Variants in COG4 observed in about 807,000 individuals in gnomAD.
The protein encoded by COG4 is component of oligomeric golgi complex 4, also known as conserved oligomeric Golgi complex subunit 4.
In COG4, 65 loss-of-function variants were observed where a neutral mutation model predicts 95.1. That is an observed-to-expected ratio of 0.68 (90% CI 0.56 to 0.84). The LOEUF (loss-of-function observed/expected upper bound fraction) is 0.84, where lower values mean the gene tolerates loss of function less well. COG4 is among the 40% of genes least tolerant of loss of function. The pLI is 0.00. For missense variants in COG4, 1,045 were observed against 989.1 expected (o/e 1.06, Z -0.76); for synonymous variants, 421 against 374.8 (o/e 1.12, Z -1.42).
At chr16:70,514,264 G>C in intron 4 of COG4, 71 bp downstream of exon 4, 1 of 1,391,414 alleles carries the variant, frequency 7.2e-7, no homozygotes, top group East Asian at 2.3e-5. Flanking sequence ...TGTTTTTATT[G>C]GTCGAGTCTG....
rs559671105 is a variant in COG4 at position 70,482,081 on chromosome 16, C to G, written c.2004+11G>C. The G allele has an allele frequency of 2.8e-5, 45 of 1,608,552 alleles. No homozygotes were observed. The South Asian group carries it at 4.6e-4, about 17-fold the overall frequency. ...TAATTCCCTAAGTGGATCCCTAGGG[C>G]CCCTGCTCACCTTGAACTCTGCCAT... On this transcript the variant is annotated intron_variant, in intron 16 of 18. Coordinates refer to ENST00000323786, the MANE Select transcript of COG4 (RefSeq NM_015386.3).
intron 6 of COG4, 180 bp downstream of exon 6, chr16:70,509,736 G>C (rs1474564008): frequency 1.5e-6 from 1 of 646,334 alleles, no homozygotes; most frequent in Non-Finnish European, 2.7e-6. Flanking sequence ...ACACTGGAGA[G>C]ACTCTAATCT....
chr16:70,507,253 A>G (rs2151756686), intron 8 of COG4, among the ~76,000 whole-genome samples: 1 of 151,578 alleles, frequency 6.6e-6, no homozygotes, highest in Non-Finnish European at 1.5e-5. Flanking sequence ...AAAAAAGCAA[A>G]AAAACCCCAA....
chr16:70,515,197 G>A (rs534383697), intron 3 of COG4, among the ~76,000 whole-genome samples: 1 of 151,800 alleles, frequency 6.6e-6, no homozygotes, highest in African/African-American at 2.4e-5. Context: ...TGTAATTTTT[G>A]TAGAGACAAG....
intron 12 of COG4, among the ~76,000 whole-genome samples, chr16:70,491,755 C>G (rs1001327870): frequency 1.1e-4 from 15 of 139,510 alleles, no homozygotes; most frequent in Non-Finnish European, 2.1e-4. Context: ...ACTTGGGAGG[C>G]GTAGGTTGCA....
At chr16:70,507,726 G>A (rs1420435666) in intron 8 of COG4, among the ~76,000 whole-genome samples, 1 of 151,658 alleles carries the variant, frequency 6.6e-6, no homozygotes, top group Admixed American at 6.6e-5. Context: ...GCTGGGAATG[G>A]TGGTGCACGC....
At chr16:70,497,434 C>CCA (rs1448913822) in intron 10 of COG4, 47 bp from the exon 11 acceptor site, 1 of 1,586,728 alleles carries the variant, frequency 6.3e-7, no homozygotes, top group Non-Finnish European at 8.6e-7. Flanking sequence ...TTGTGCATGT[C>CCA]ATGTTCTAGA....
Position 70,481,052 on chromosome 16 carries a change from C to G in COG4, c.2328G>C (p.Arg776=). Residue 776 remains arginine, a synonymous_variant, in exon 19 of 19, where the codon CGG becomes CGC. Coordinates refer to ENST00000323786, the MANE Select transcript of COG4 (RefSeq NM_015386.3). Reference sequence around the variant, plus strand: ...TGATATCTTCACTGCGGAAGTCTATCCGCAGGGCCAGCACCTGGCGCACTT... The same window carrying G: ...TGATATCTTCACTGCGGAAGTCTATGCGCAGGGCCAGCACCTGGCGCACTT... ...PAEVRQVLAL[R]IDFRSEDIKR... 2 of 1,613,320 alleles carry G rather than the reference C, an allele frequency of 1.2e-6. No individual in the cohort carries two copies. The highest frequency in any genetic ancestry group is 1.7e-6 in the Non-Finnish European group (2 of 1,180,046).
intron 18 of COG4, 97 bp downstream of exon 18, chr16:70,481,258 AGCTG>A: frequency 6.2e-7 from 1 of 1,607,816 alleles, no homozygotes; most frequent in Admixed American, 1.7e-5. Context: ...TGTCCTATAG[AGCTG>A]GCTGCTGGCA....
At chr16:70,483,496 C>G (rs946045899) in intron 14 of COG4, among the ~76,000 whole-genome samples, 10 of 151,814 alleles carry the variant, frequency 6.6e-5, no homozygotes, top group African/African-American at 2.4e-4. Context: ...TGAGACTGTT[C>G]TGATAAACTC....
At chr16:70,508,877 G>A (rs1597681739) in intron 7 of COG4, 2 of 536,084 alleles carry the variant, frequency 3.7e-6, no homozygotes, top group East Asian at 9.5e-5. Flanking sequence ...GGAAATTGGA[G>A]ACAATTACTT....
At chr16:70,521,182 C>G (rs1394354497) in intron 1 of COG4, among the ~76,000 whole-genome samples, 2 of 151,272 alleles carry the variant, frequency 1.3e-5, no homozygotes, top group African/African-American at 4.9e-5. Context: ...CAAAGAACTG[C>G]GATTAGAGGC....
At position 70,509,267 on chromosome 16, in the gene COG4, T is replaced by C; in HGVS notation, c.966A>G (p.Val322=). ...VECDRQVEKV[V]DKFIKQRDYH... ...AGTCCCTTTGCTTGATGAACTTGTC[T>C]ACCACCTTCTCCACCTGTCTGTCAC... is the stretch of plus-strand genomic sequence containing the variant. Residue 322 remains valine, a synonymous_variant, in exon 7 of 19, where the codon GTA becomes GTG. Transcript: ENST00000323786. 1.2e-6 allele frequency: 2 copies of C among 1,614,198 alleles called. No individual in the cohort carries two copies. Among genetic ancestry groups the C allele is most frequent in the Non-Finnish European group, 1.7e-6 (2 of 1,180,036 alleles).
chr16:70,482,232 G>A (rs549685858), intron 15 of COG4, 57 bp from the exon 16 acceptor site: 12 of 1,009,260 alleles, frequency 1.2e-5, no homozygotes, highest in Middle Eastern at 2.0e-4. Context: ...ACCATTCATT[G>A]CCACCCACCT....
At chr16:70,500,787 A>C (rs1030310328) in intron 9 of COG4, among the ~76,000 whole-genome samples, 171 bp downstream of exon 9, 1 of 152,192 alleles carries the variant, frequency 6.6e-6, no homozygotes. Flanking sequence ...ATCTAGTCCA[A>C]TTCTAAAATC....
intron 13 of COG4, 90 bp downstream of exon 13, chr16:70,490,240 T>C: frequency 9.3e-7 from 1 of 1,069,614 alleles, no homozygotes; most frequent in Non-Finnish European, 1.5e-6. Context: ...GTCACCAAGA[T>C]AAGTGTCTTC....
At chr16:70,498,121 A>AT (rs890160433) in intron 9 of COG4, 66 bp from the exon 10 acceptor site, 13 of 954,216 alleles carry the variant, frequency 1.4e-5, no homozygotes, top group Non-Finnish European at 1.9e-5. Flanking sequence ...AACTTTTTTC[A>AT]TTTTTTCAGG....
chr16:70,514,921 C>T (rs1007210873), intron 3 of COG4, among the ~76,000 whole-genome samples: 1 of 151,900 alleles, frequency 6.6e-6, no homozygotes, highest in Non-Finnish European at 1.5e-5. Context: ...TCAATGTTTC[C>T]CAGGCTGGTC....
In COG4 at chr16:70,481,512, A is replaced by G. The variant is rs1249024151; in HGVS notation, c.2107-25T>C. 1.9e-6 allele frequency: 3 copies of G among 1,610,286 alleles called. No individual in the cohort carries two copies. The South Asian group carries it at 3.3e-5, about 18-fold the overall frequency. On this transcript the variant is annotated intron_variant, in intron 17 of 18. Coordinates refer to ENST00000323786, the MANE Select transcript of COG4 (RefSeq NM_015386.3). ...GCTGCAGGAGAACCCAAGCCCAGTCACTACTTAGGCCTGGCCAAGCAGAAC... is the reference window on the plus strand; with the variant it reads ...GCTGCAGGAGAACCCAAGCCCAGTCGCTACTTAGGCCTGGCCAAGCAGAAC...
Sources: gnomAD v4.1 joint callset for allele counts (sites outside exome capture counted in the v4.1 genomes callset) on GRCh38, gnomAD v4.1.1 for gene constraint, MANE v1.5 for transcripts, NCBI Gene and HGNC (gene_info 2026-07-23, HGNC 2026-07-21) for gene names.